The following RPA3 variants were observed in gnomAD, a reference collection of about 807,000 sequenced individuals.
The protein encoded by RPA3 is replication protein A 14 kDa subunit.
Under a neutral mutation model 13.7 loss-of-function variants are expected in RPA3, and 24 were observed. The ratio of observed to expected loss-of-function variants is 1.75; its 90% CI spans 1.27 to 2.46. The LOEUF (loss-of-function observed/expected upper bound fraction) is 2.46, where lower values mean the gene tolerates loss of function less well. Among genes scored for constraint, RPA3 ranks in the 30% most tolerant of loss-of-function variants. The pLI, the probability that RPA3 is intolerant of heterozygous loss-of-function variation, is 0.00. For synonymous variants in RPA3, 59 were observed against 51.2 expected, an observed-to-expected ratio of 1.15 and a Z score of -0.65; for missense variants, 183 against 151.0, an observed-to-expected ratio of 1.21 and a Z score of -1.11.
At chr7:7,711,041 G>A (rs1458330464) in intron 2 of RPA3, among the ~76,000 whole-genome samples, 1 of 152,148 alleles carries the variant, frequency 6.6e-6, no homozygotes, top group Non-Finnish European at 1.5e-5. Flanking sequence ...TAAGGATGGG[G>A]TGAAAGTTAG....
At chr7:7,644,724 T>C (rs1456396346) in intron 4 of RPA3, among the ~76,000 whole-genome samples, 1 of 152,196 alleles carries the variant, frequency 6.6e-6, no homozygotes, top group Admixed American at 6.5e-5. Flanking sequence ...CCTGAACCAC[T>C]ACCTATTTTC....
At position 7,715,242 on chromosome 7, in the gene RPA3, C is replaced by G. The variant is rs1228681685; in HGVS notation, c.-1079-16G>C. On this transcript the variant is annotated splice_polypyrimidine_tract_variant and intron_variant, in intron 1 of 7. Transcript: ENST00000223129. ...TTCTGAGTACCTGAGACAAAGTGAA[C>G]TACAAGTAGGATAAGAACTGAAAAG... is the stretch of plus-strand genomic sequence containing the variant. The G allele has an allele frequency of 6.6e-6, 1 of 152,072 alleles. No individual in the cohort carries two copies. Among genetic ancestry groups the G allele is most frequent in the Non-Finnish European group, 1.5e-5 (1 of 68,002 alleles). The allele number at this position is 152,072 out of a possible 1,614,324, so 9.4% of individuals were successfully genotyped here.
rs1168069995 is a variant in RPA3 at position 7,705,305 on chromosome 7, T to TA, written c.-1028+9869dup. ...CTGTTTTGGAAAAATATCTGACTTA[T>TA]AAAAAAATAGAATCTTAAAAATGTT... On this transcript the variant is annotated intron_variant, in intron 2 of 7. Coordinates refer to ENST00000223129, the MANE Select transcript of RPA3 (RefSeq NM_002947.5). 6.6e-5 allele frequency among the ~76,000 whole-genome samples: 10 copies of TA among 152,244 alleles called. No individual in the cohort carries two copies. The East Asian group carries it at 1.9e-3, about 29-fold the overall frequency.
chr7:7,716,720 C>T (rs1468988624), intron 1 of RPA3, among the ~76,000 whole-genome samples: 1 of 152,132 alleles, frequency 6.6e-6, no homozygotes, highest in African/African-American at 2.4e-5. Context: ...CCGAGGCAGG[C>T]GGATCACGAG....
At chr7:7,654,898 G>C (rs1344969685) in intron 4 of RPA3, among the ~76,000 whole-genome samples, 1 of 55,214 alleles carries the variant, frequency 1.8e-5, no homozygotes, top group East Asian at 7.1e-4. Context: ...GTAAGACTCT[G>C]TCTCAAAAAA....
At chr7:7,696,833 T>C (rs1780331268) in intron 2 of RPA3, among the ~76,000 whole-genome samples, 1 of 151,408 alleles carries the variant, frequency 6.6e-6, no homozygotes. Flanking sequence ...TCTTTTTCTT[T>C]CTTCTTCTTT....
At chr7:7,678,550 T>C (rs1316380097) in intron 4 of RPA3, among the ~76,000 whole-genome samples, 3 of 138,138 alleles carry the variant, frequency 2.2e-5, no homozygotes, top group Non-Finnish European at 3.1e-5. Context: ...TATAGATAAA[T>C]ATATATTTAT....
chr7:7,638,967 C>G, intron 6 of RPA3, 103 bp downstream of exon 6: 1 of 823,754 alleles, frequency 1.2e-6, no homozygotes, highest in Non-Finnish European at 1.8e-6. Flanking sequence ...ACCAGCTCAT[C>G]CTTTTTAAAT....
At chr7:7,657,805 G>A (rs1346197818) in intron 4 of RPA3, among the ~76,000 whole-genome samples, 4 of 152,088 alleles carry the variant, frequency 2.6e-5, no homozygotes, top group Non-Finnish European at 5.9e-5. Flanking sequence ...GCTCTATTTT[G>A]GTTCTATGTG....
chr7:7,692,064 A>G (rs1323228531), intron 2 of RPA3, among the ~76,000 whole-genome samples: 1 of 152,216 alleles, frequency 6.6e-6, no homozygotes, highest in Admixed American at 6.5e-5. Flanking sequence ...AACTGCAGTT[A>G]TTAACAGCTA....
At chr7:7,667,945 T>A (rs1250880696) in intron 4 of RPA3, among the ~76,000 whole-genome samples, 1 of 152,154 alleles carries the variant, frequency 6.6e-6, no homozygotes, top group Non-Finnish European at 1.5e-5. Context: ...TTTGTTCATT[T>A]AACACAGGGT....
At chr7:7,713,944 C>A (rs1311983263) in intron 2 of RPA3, among the ~76,000 whole-genome samples, 1 of 152,054 alleles carries the variant, frequency 6.6e-6, no homozygotes, top group Non-Finnish European at 1.5e-5. Flanking sequence ...AAGTGATCTT[C>A]CTGCCTTGGC....
chr7:7,660,110 C>G (rs1785437853), intron 4 of RPA3, among the ~76,000 whole-genome samples: 2 of 152,206 alleles, frequency 1.3e-5, no homozygotes, highest in African/African-American at 2.4e-5. Context: ...TTATCAGAGA[C>G]TACGATTGCA....
At chr7:7,685,385 C>T (rs1287219922) in intron 4 of RPA3, among the ~76,000 whole-genome samples, 1 of 151,248 alleles carries the variant, frequency 6.6e-6, no homozygotes. Flanking sequence ...TCTCAGCTCA[C>T]TGCAACCTCT....
intron 4 of RPA3, among the ~76,000 whole-genome samples, chr7:7,671,109 A>G (rs932182967): frequency 6.6e-6 from 1 of 152,208 alleles, no homozygotes; most frequent in African/African-American, 2.4e-5. Flanking sequence ...TAAGCATTCA[A>G]TAATCATATT....
At chr7:7,694,097 G>T (rs113661245) in intron 2 of RPA3, among the ~76,000 whole-genome samples, 1 of 152,018 alleles carries the variant, frequency 6.6e-6, no homozygotes, top group East Asian at 1.9e-4. Context: ...CTATAGAGGG[G>T]CACTATGAAG....
intron 4 of RPA3, among the ~76,000 whole-genome samples, chr7:7,647,359 T>G (rs972564802): frequency 4.6e-5 from 7 of 152,234 alleles, no homozygotes; most frequent in Non-Finnish European, 8.8e-5. Flanking sequence ...TGCAATTATA[T>G]GAGACTAATT....
At chr7:7,696,839 T>C (rs1042169536) in intron 2 of RPA3, among the ~76,000 whole-genome samples, 1 of 151,160 alleles carries the variant, frequency 6.6e-6, no homozygotes, top group Non-Finnish European at 1.5e-5. Context: ...TCTTTCTTCT[T>C]CTTTTTTTTT....
intron 2 of RPA3, among the ~76,000 whole-genome samples, chr7:7,699,047 T>TGG (rs1253153111): frequency 1.6e-5 from 2 of 121,588 alleles, no homozygotes; most frequent in African/African-American, 6.3e-5. Flanking sequence ...TGTGTGTGTG[T>TGG]GTGGGGGGGG....
Sources: gnomAD v4.1 joint callset for allele counts (sites outside exome capture counted in the v4.1 genomes callset) on GRCh38, gnomAD v4.1.1 for gene constraint, MANE v1.5 for transcripts, NCBI Gene and HGNC (gene_info 2026-07-23, HGNC 2026-07-21) for gene names.